Variants in AP1AR observed in about 807,000 individuals in gnomAD.
AP1AR encodes adaptor related protein complex 1 associated regulatory protein.
In AP1AR, 29 loss-of-function variants were observed where a neutral mutation model predicts 46.3. The observed-to-expected ratio is 0.63, with a 90% CI of 0.47 to 0.85. The LOEUF is 0.85. AP1AR is among the 40% of genes least tolerant of loss of function. AP1AR has a pLI of 0.00. For missense variants in AP1AR, 357 were observed against 356.3 expected (o/e 1.00, Z -0.02); for synonymous variants, 122 against 122.9 (o/e 0.99, Z 0.05).
At chr4:112,241,699 C>T (rs941758222) in intron 1 of AP1AR, among the ~76,000 whole-genome samples, 7 of 152,166 alleles carry the variant, frequency 4.6e-5, no homozygotes, top group South Asian at 4.1e-4. Flanking sequence ...CTCATGTTAA[C>T]GTATAAAATT....
chr4:112,269,520 T>C lies in AP1AR; in HGVS notation c.*1111T>C, dbSNP rs561339959. On this transcript the variant is annotated 3_prime_UTR_variant, in exon 10 of 10. Transcript: ENST00000274000. ...TTGCTTTCCTTGATTTTGCTGAGGA[T>C]TTGGTATGATTTTAGTAAGCAAACT... 6.6e-6 allele frequency: 1 copy of C among 152,602 alleles called. No homozygotes were observed. The highest frequency in any genetic ancestry group is 1.9e-4 in the East Asian group (1 of 5,190). 9.5% of individuals were successfully genotyped at this position (152,602 alleles called of 1,614,324 possible).
intron 5 of AP1AR, among the ~76,000 whole-genome samples, chr4:112,261,943 TG>T (rs1726461529): frequency 1.3e-5 from 2 of 150,854 alleles, no homozygotes; most frequent in African/African-American, 2.5e-5. Context: ...GACTCCAGCC[TG>T]GGTGACAGAG....
chr4:112,243,914 G>A (rs1165241139), intron 1 of AP1AR, among the ~76,000 whole-genome samples: 2 of 151,958 alleles, frequency 1.3e-5, no homozygotes, highest in African/African-American at 2.4e-5. Context: ...TACCAATAAT[G>A]AATTTTCATT....
intron 1 of AP1AR, among the ~76,000 whole-genome samples, chr4:112,236,694 C>T (rs1271129343): frequency 6.6e-6 from 1 of 152,190 alleles, no homozygotes; most frequent in Non-Finnish European, 1.5e-5. Flanking sequence ...AGCCACTGCG[C>T]CCGGCCCTAA....
chr4:112,257,456 C>T (rs1402402883), intron 3 of AP1AR, among the ~76,000 whole-genome samples: 1 of 152,114 alleles, frequency 6.6e-6, no homozygotes, highest in African/African-American at 2.4e-5. Context: ...AATATGTTGT[C>T]TCATACCATA....
At chr4:112,233,002 C>T (rs943147153) in intron 1 of AP1AR, among the ~76,000 whole-genome samples, 1 of 151,922 alleles carries the variant, frequency 6.6e-6, no homozygotes, top group African/African-American at 2.4e-5. Context: ...GAGCAAATTC[C>T]TTTGGGGTTG....
At chr4:112,237,002 A>T (rs1396140208) in intron 1 of AP1AR, among the ~76,000 whole-genome samples, 1 of 152,210 alleles carries the variant, frequency 6.6e-6, no homozygotes, top group Non-Finnish European at 1.5e-5. Context: ...ATGTAACCTT[A>T]ACCTGTTTTT....
At position 112,268,507 on chromosome 4, in the gene AP1AR, G is replaced by A; in HGVS notation, c.*98G>A. 1 of 1,237,262 alleles carries A rather than the reference G, an allele frequency of 8.1e-7. No individual in the cohort carries two copies. The highest frequency in any genetic ancestry group is 1.5e-5 in the African/African-American group (1 of 65,530). 76.6% of individuals were successfully genotyped at this position (1,237,262 alleles called of 1,614,324 possible). On this transcript the variant is annotated 3_prime_UTR_variant, in exon 10 of 10. Transcript: ENST00000274000. ...TGCTTAGCCTTTTTGTAAGGGAGAT[G>A]TGTAAGAAACCATGTTGTAAATGCT...
chr4:112,265,505 G>A (rs1578422701), intron 7 of AP1AR, among the ~76,000 whole-genome samples: 1 of 151,818 alleles, frequency 6.6e-6, no homozygotes, highest in East Asian at 1.9e-4. Context: ...TGGACTTATG[G>A]CTAAGCTTTG....
chr4:112,247,685 T>C (rs1277534717), intron 1 of AP1AR, among the ~76,000 whole-genome samples: 1 of 152,248 alleles, frequency 6.6e-6, no homozygotes, highest in Non-Finnish European at 1.5e-5. Context: ...GCCACCATCA[T>C]TTCTTCGCTC....
chr4:112,266,391 C>CA (rs566256100), intron 8 of AP1AR, among the ~76,000 whole-genome samples, 197 bp from the exon 9 acceptor site: 1,530 of 146,922 alleles, frequency 0.01, 17 homozygotes, highest in African/African-American at 0.032. Context: ...GCTTAGATGG[C>CA]AAAAAAAAAG....
At chr4:112,237,368 A>G (rs1374051540) in intron 1 of AP1AR, among the ~76,000 whole-genome samples, 3 of 152,168 alleles carry the variant, frequency 2.0e-5, no homozygotes, top group East Asian at 1.9e-4. Context: ...GGCCTCCTAA[A>G]GTGATGGGAT....
intron 9 of AP1AR, 145 bp from the exon 10 acceptor site, chr4:112,267,998 GA>G: frequency 2.9e-6 from 2 of 694,024 alleles, no homozygotes; most frequent in Middle Eastern, 4.3e-4. Flanking sequence ...TTTCCCTTAA[GA>G]AGGCCTCCAT....
intron 1 of AP1AR, among the ~76,000 whole-genome samples, chr4:112,238,117 G>T (rs1725331707): frequency 6.6e-6 from 1 of 152,256 alleles, no homozygotes; most frequent in Non-Finnish European, 1.5e-5. Context: ...TGGCCAGTGG[G>T]CCATAGTTGC....
intron 4 of AP1AR, among the ~76,000 whole-genome samples, chr4:112,259,131 T>C (rs562816940): frequency 6.6e-6 from 1 of 152,266 alleles, no homozygotes; most frequent in South Asian, 2.1e-4. Flanking sequence ...TGGGAATGGT[T>C]AACACTGTCC....
intron 1 of AP1AR, among the ~76,000 whole-genome samples, chr4:112,244,008 T>G (rs1413268318): frequency 6.6e-6 from 1 of 152,220 alleles, no homozygotes; most frequent in Non-Finnish European, 1.5e-5. Context: ...GTCAAAACTT[T>G]ATTGTATAAT....
intron 1 of AP1AR, among the ~76,000 whole-genome samples, chr4:112,249,379 G>A (rs1725857319): frequency 6.6e-6 from 1 of 151,040 alleles, no homozygotes; most frequent in Admixed American, 6.6e-5. Context: ...AAATGTATAG[G>A]CTTGGTGCAG....
rs776007372 is a variant in AP1AR, at chr4:112,265,720, C to A, written c.441-14C>A. On this transcript the variant is annotated splice_polypyrimidine_tract_variant and intron_variant, in intron 7 of 9. Transcript: ENST00000274000. ...CCATGAATATATTAAAAAATTATTT[C>A]ACTTTTATTACAGTTCAGGACCAGA... 6.3e-7 allele frequency: 1 copy of A among 1,590,438 alleles called. No homozygotes were observed. The highest frequency in any genetic ancestry group is 1.1e-5 in the South Asian group (1 of 88,988).
rs1725033221 is a variant in AP1AR at position 112,232,159 on chromosome 4, T to C, written c.68T>C (p.Val23Ala). Residue 23 changes from valine (V) to alanine (A), a missense_variant, in exon 1 of 10, where the codon GTA becomes GCA. Around this residue, in one of 2 missense-constraint regions of AP1AR, gnomAD observed 269 missense variants for 223.6 expected, o/e 1.20. Coordinates refer to ENST00000274000, the MANE Select transcript of AP1AR (RefSeq NM_018569.6). ...AAGGAAGCGGGGCGGCTGCAGCGAG[T>C]AGGCGGCGGCGGAGGGTAAGCCCGC... ...LRKEAGRLQR[V>A]GGGGGSKYFR... The C allele has an allele frequency of 3.9e-6, 5 of 1,281,924 alleles. No homozygotes were observed. The highest frequency in any genetic ancestry group is 1.5e-5 in the African/African-American group (1 of 64,668). The allele number at this position is 1,281,924 out of a possible 1,614,324, so 79.4% of individuals were successfully genotyped here.
Sources: allele counts gnomAD v4.1 joint callset (sites outside exome capture counted in the v4.1 genomes callset), GRCh38; gene constraint gnomAD v4.1.1; regional missense constraint gnomAD v4.1.1; transcripts MANE v1.5; gene names NCBI Gene and HGNC (gene_info 2026-07-23, HGNC 2026-07-21).